HTR2C: variants seen among roughly 807,000 people sequenced by gnomAD.
The protein encoded by HTR2C is 5-hydroxytryptamine receptor 2C.
HTR2C carries 5 observed loss-of-function variants against 21.0 expected under a neutral mutation model. That is an observed-to-expected ratio of 0.24 (90% CI 0.12 to 0.50). The LOEUF (loss-of-function observed/expected upper bound fraction) is 0.50, where lower values mean the gene tolerates loss of function less well. Ranked by LOEUF, HTR2C falls within the 20% of genes least tolerant of loss-of-function variation. The pLI is 0.98. For synonymous variants in HTR2C, 150 were observed against 145.3 expected, an observed-to-expected ratio of 1.03 and a Z score of -0.23; for missense variants, 271 against 371.2, an observed-to-expected ratio of 0.73 and a Z score of 2.22.
At chrX:114,835,778 C>T (rs28767193) in intron 4 of HTR2C, among the ~76,000 whole-genome samples, 5 of 111,479 alleles carry the variant, frequency 4.5e-5, no homozygotes, top group Admixed American at 9.5e-5. Flanking sequence ...GGAGGAGAGG[C>T]GCTCTGCTTT....
chrX:114,770,366 T>A (rs782551296), intron 4 of HTR2C, among the ~76,000 whole-genome samples: 61 of 111,607 alleles, frequency 5.5e-4, no homozygotes, highest in Non-Finnish European at 7.9e-4. Context: ...CTCACAGGCC[T>A]TTGAGGCTCT....
chrX:114,707,053 A>G (rs1932784985), intron 2 of HTR2C, among the ~76,000 whole-genome samples: 2 of 111,950 alleles, frequency 1.8e-5, no homozygotes, highest in Admixed American at 1.9e-4. Flanking sequence ...ACTATTGCAT[A>G]TAAAGAGCAA....
At chrX:114,652,305 A>G (rs1472700781) in intron 2 of HTR2C, among the ~76,000 whole-genome samples, 1 of 111,408 alleles carries the variant, frequency 9.0e-6, no homozygotes, top group Non-Finnish European at 1.9e-5. Flanking sequence ...TATAATTAGA[A>G]AATTTATTTT....
chrX:114,614,373 G>C (rs1240046018), intron 2 of HTR2C, among the ~76,000 whole-genome samples: 1 of 109,632 alleles, frequency 9.1e-6, no homozygotes, highest in African/African-American at 3.3e-5. Context: ...TGATTCTCCT[G>C]CCTCAGCCTC....
chrX:114,876,602 T>C (rs946379559), intron 5 of HTR2C, among the ~76,000 whole-genome samples: 4 of 109,233 alleles, frequency 3.7e-5, no homozygotes, highest in Non-Finnish European at 5.7e-5. Context: ...TACATTGAGG[T>C]ATATTCCTTT....
intron 4 of HTR2C, among the ~76,000 whole-genome samples, chrX:114,773,395 C>T (rs1229226082): frequency 5.4e-5 from 6 of 112,099 alleles, no homozygotes; most frequent in Admixed American, 9.5e-5. Context: ...GGAGTTAAAG[C>T]AAAATAGCGT....
chrX:114,706,123 G>A (rs1181385634), intron 2 of HTR2C, among the ~76,000 whole-genome samples: 2 of 33,967 alleles, frequency 5.9e-5, no homozygotes, highest in Non-Finnish European at 1.1e-4. Context: ...CTGTAAACTA[G>A]TTCAACCATT....
chrX:114,610,508 T>C (rs781888427), intron 1 of HTR2C, among the ~76,000 whole-genome samples: 10 of 112,018 alleles, frequency 8.9e-5, no homozygotes, highest in Non-Finnish European at 1.7e-4. Flanking sequence ...TCACACTTAA[T>C]GTCACCTCAT....
At chrX:114,707,372 G>A (rs1365621330) in intron 2 of HTR2C, among the ~76,000 whole-genome samples, 1 of 110,883 alleles carries the variant, frequency 9.0e-6, no homozygotes, top group Non-Finnish European at 1.9e-5. Context: ...AGAGAGCTTT[G>A]ATGGTGCCAT....
chrX:114,761,129 A>C (rs2069861783), intron 4 of HTR2C, among the ~76,000 whole-genome samples: 1 of 111,574 alleles, frequency 9.0e-6, no homozygotes, highest in Non-Finnish European at 1.9e-5. Flanking sequence ...AGTAAACATC[A>C]ATATAATTTT....
chrX:114,763,208 G>A (rs79202905), intron 4 of HTR2C: 8 of 125,521 alleles, frequency 6.4e-5, no homozygotes, highest in African/African-American at 2.0e-4. Flanking sequence ...GTACCGCCAT[G>A]TCTGTTGGGC....
chrX:114,743,875 A>T (rs1432819452), intron 4 of HTR2C, among the ~76,000 whole-genome samples: 1 of 112,231 alleles, frequency 8.9e-6, no homozygotes, highest in African/African-American at 3.2e-5. Flanking sequence ...ACACATAATG[A>T]CATGGAAGAA....
At chrX:114,595,180 C>G (rs1556392256) in intron 1 of HTR2C, among the ~76,000 whole-genome samples, 1 of 111,412 alleles carries the variant, frequency 9.0e-6, no homozygotes, top group Non-Finnish European at 1.9e-5. Flanking sequence ...ATTCTACAGC[C>G]AGATTCAAAC....
intron 4 of HTR2C, among the ~76,000 whole-genome samples, chrX:114,841,070 T>A (rs1556465445): frequency 8.9e-6 from 1 of 112,155 alleles, no homozygotes. Flanking sequence ...AAAGGAAGGA[T>A]GCTGGTTAAC....
intron 4 of HTR2C, among the ~76,000 whole-genome samples, chrX:114,800,198 T>C: frequency 9.0e-6 from 1 of 110,711 alleles, no homozygotes; most frequent in Middle Eastern, 4.7e-3. Flanking sequence ...CTGGAAAAGG[T>C]GGGTAGATGT....
chrX:114,753,689 T>G (rs1256692157), intron 4 of HTR2C, among the ~76,000 whole-genome samples: 1 of 111,970 alleles, frequency 8.9e-6, no homozygotes, highest in Middle Eastern at 4.2e-3. Context: ...TTACTATCAC[T>G]TAAAATACTC....
intron 2 of HTR2C, among the ~76,000 whole-genome samples, chrX:114,701,490 C>T (rs1377481940): frequency 2.1e-3 from 237 of 111,916 alleles, no homozygotes; most frequent in Non-Finnish European, 3.4e-3. Context: ...AACAGACCTG[C>T]AGCTGAGGGT....
At chrX:114,685,601 G>A (rs781989225) in intron 2 of HTR2C, among the ~76,000 whole-genome samples, 1 of 111,988 alleles carries the variant, frequency 8.9e-6, no homozygotes, top group African/African-American at 3.2e-5. Context: ...CCACCAGAGG[G>A]ATTGTCAATC....
chrX:114,882,620 A>G (rs782540211), intron 5 of HTR2C, among the ~76,000 whole-genome samples: 52 of 110,800 alleles, frequency 4.7e-4, no homozygotes, highest in Non-Finnish European at 8.0e-4. Flanking sequence ...ACTTCTATTG[A>G]TATGGTATAT....
Sources: allele counts gnomAD v4.1 joint callset (sites outside exome capture counted in the v4.1 genomes callset), GRCh38; gene constraint gnomAD v4.1.1; transcripts MANE v1.5; gene names NCBI Gene and HGNC (gene_info 2026-07-23, HGNC 2026-07-21).